Variants in SARNP observed in about 807,000 individuals in gnomAD.
The protein encoded by SARNP is SAP domain-containing ribonucleoprotein.
A neutral mutation model predicts 38.1 loss-of-function variants in SARNP; 5 were observed. That is an observed-to-expected ratio of 0.13 (90% CI 0.07 to 0.28). The LOEUF (loss-of-function observed/expected upper bound fraction) is 0.28, where lower values mean the gene tolerates loss of function less well. Among genes scored for constraint, SARNP ranks in the 10% least tolerant of loss-of-function variants. The probability of loss-of-function intolerance (pLI) is 1.00; values close to 1 mark genes in which losing one functional copy is unlikely to be tolerated. For synonymous variants in SARNP, 84 were observed against 80.6 expected, an observed-to-expected ratio of 1.04 and a Z score of -0.23; for missense variants, 180 against 243.9, an observed-to-expected ratio of 0.74 and a Z score of 1.75.
At chr12:55,786,543 G>A (rs574179337) in intron 9 of SARNP, among the ~76,000 whole-genome samples, 3 of 152,138 alleles carry the variant, frequency 2.0e-5, no homozygotes, top group Non-Finnish European at 2.9e-5. Flanking sequence ...TCCGCCCTCC[G>A]AGTTCAAGCG....
At chr12:55,768,105 T>TTCCC (rs1316429263) in intron 9 of SARNP, among the ~76,000 whole-genome samples, 2 of 151,972 alleles carry the variant, frequency 1.3e-5, no homozygotes, top group African/African-American at 2.4e-5. Flanking sequence ...ATCTCCCTCC[T>TTCCC]TCCCTCCCTC....
At chr12:55,796,188 C>T (rs1395837725) in intron 4 of SARNP, 112 bp from the exon 5 acceptor site, 3 of 721,924 alleles carry the variant, frequency 4.2e-6, no homozygotes, top group Admixed American at 2.2e-5. Context: ...TATCTCTCTG[C>T]CACCCCCTAA....
intron 3 of SARNP, 50 bp from the exon 4 acceptor site, chr12:55,800,679 T>G (rs753637368): frequency 2.0e-5 from 30 of 1,471,782 alleles, no homozygotes; most frequent in Admixed American, 5.5e-5. Context: ...AGAATAAATA[T>G]CTATCAAAAG....
chr12:55,783,949 A>C (rs1879413415), intron 9 of SARNP, among the ~76,000 whole-genome samples: 1 of 152,106 alleles, frequency 6.6e-6, no homozygotes, highest in Non-Finnish European at 1.5e-5. Flanking sequence ...AAAAGAAATC[A>C]ATCATAAACA....
At chr12:55,790,968 C>T (rs1426588109) in intron 7 of SARNP, among the ~76,000 whole-genome samples, 1 of 152,058 alleles carries the variant, frequency 6.6e-6, no homozygotes, top group Non-Finnish European at 1.5e-5. Flanking sequence ...TGATGACTGG[C>T]TAAATTAAGT....
intron 1 of SARNP, among the ~76,000 whole-genome samples, chr12:55,812,248 G>T (rs879052350): frequency 6.6e-6 from 1 of 152,112 alleles, no homozygotes; most frequent in Non-Finnish European, 1.5e-5. Flanking sequence ...CCTTGTTAAT[G>T]ACTTCCCCAG....
chr12:55,800,550 A>C lies in SARNP; in HGVS notation c.251+12T>G, dbSNP rs1159870404. 3.8e-6 allele frequency: 6 copies of C among 1,560,116 alleles called. No homozygotes were observed. In the South Asian group the frequency reaches 6.8e-5, roughly 18 times the overall value. On this transcript the variant is annotated intron_variant, in intron 4 of 10. Coordinates refer to ENST00000336133, the MANE Select transcript of SARNP (RefSeq NM_033082.4). The stretch of plus-strand genomic sequence containing the variant: ...CTGCTCTGTACTCAGATTATAAAAA[A>C]GGGATAATTACACATCAACAGTTTT...
At chr12:55,814,752 C>T (rs887503658) in intron 1 of SARNP, among the ~76,000 whole-genome samples, 3 of 151,992 alleles carry the variant, frequency 2.0e-5, no homozygotes, top group Non-Finnish European at 4.4e-5. Context: ...GCCTGTAATC[C>T]CAGCTACTCG....
At chr12:55,809,075 A>G (rs557955924) in intron 1 of SARNP, among the ~76,000 whole-genome samples, 2 of 152,020 alleles carry the variant, frequency 1.3e-5, no homozygotes, top group East Asian at 3.9e-4. Context: ...GCATGGTGGC[A>G]TGTGCCTGTA....
At chr12:55,802,840 T>C (rs999059560) in intron 2 of SARNP, among the ~76,000 whole-genome samples, 3 of 151,250 alleles carry the variant, frequency 2.0e-5, no homozygotes, top group African/African-American at 7.3e-5. Flanking sequence ...GTAAAATGTG[T>C]GGTTATCCAT....
At chr12:55,800,782 G>T in intron 3 of SARNP, 72 bp downstream of exon 3, 1 of 1,376,712 alleles carries the variant, frequency 7.3e-7, no homozygotes, top group African/African-American at 1.4e-5. Context: ...GTCCTCCAAT[G>T]ACTGATGTTA....
intron 9 of SARNP, among the ~76,000 whole-genome samples, chr12:55,784,019 C>G (rs1398265040): frequency 6.6e-6 from 1 of 152,166 alleles, no homozygotes; most frequent in East Asian, 1.9e-4. Flanking sequence ...ATATACTACA[C>G]TGATCAGTAG....
chr12:55,808,524 C>G (rs993596133), intron 1 of SARNP, among the ~76,000 whole-genome samples: 1 of 152,020 alleles, frequency 6.6e-6, no homozygotes, highest in Non-Finnish European at 1.5e-5. Context: ...CTCGAACTCT[C>G]GACCTCAGGT....
chr12:55,753,771 A>AG (rs1878413979), downstream of SARNP: 1 of 86,848 alleles, frequency 1.2e-5, no homozygotes, highest in Admixed American at 1.4e-4. Context: ...TCCCATCTCC[A>AG]AAAAAAAAAA....
rs762015107 is a variant in SARNP at position 55,757,498 on chromosome 12, T to G, written c.*14A>C. On this transcript the variant is annotated 3_prime_UTR_variant, in exon 11 of 11. Coordinates refer to ENST00000336133, the MANE Select transcript of SARNP (RefSeq NM_033082.4). ...GGAAAACACTGGAGAACAGAAAGTA[T>G]CAGGAACTTTTCATCAGGCAATCCC... The G allele has an allele frequency of 6.2e-7, 1 of 1,604,006 alleles. No individual in the cohort carries two copies. Among genetic ancestry groups the G allele is most frequent in the Admixed American group, 1.7e-5 (1 of 57,392 alleles).
intron 1 of SARNP, among the ~76,000 whole-genome samples, chr12:55,812,554 C>T (rs1420439530): frequency 5.9e-5 from 9 of 152,224 alleles, no homozygotes. Flanking sequence ...ACATTTCCAA[C>T]TGACTACCTG....
At chr12:55,803,894 C>G (rs1880058607) in intron 1 of SARNP, among the ~76,000 whole-genome samples, 166 bp from the exon 2 acceptor site, 1 of 152,168 alleles carries the variant, frequency 6.6e-6, no homozygotes, top group South Asian at 2.1e-4. Flanking sequence ...CCATTTTCCT[C>G]TAACGATATT....
At chr12:55,776,145 TTA>T (rs1019754503) in intron 9 of SARNP, among the ~76,000 whole-genome samples, 1 of 152,102 alleles carries the variant, frequency 6.6e-6, no homozygotes, top group Non-Finnish European at 1.5e-5. Flanking sequence ...CTCAAGTCCC[TTA>T]TATAAAATGA....
intron 1 of SARNP, 125 bp downstream of exon 1, chr12:55,817,541 A>G: frequency 1.2e-6 from 1 of 842,960 alleles, no homozygotes; most frequent in Non-Finnish European, 1.9e-6. Flanking sequence ...CAAAAGAGCT[A>G]CGGCGGGAGC....
Sources: gnomAD v4.1 joint callset for allele counts (sites outside exome capture counted in the v4.1 genomes callset) on GRCh38, gnomAD v4.1.1 for gene constraint, MANE v1.5 for transcripts, NCBI Gene and HGNC (gene_info 2026-07-23, HGNC 2026-07-21) for gene names.